The following ITGB3BP variants were observed in gnomAD, a reference collection of about 807,000 sequenced individuals.
The protein encoded by ITGB3BP is integrin subunit beta 3 binding protein, also known as centromere protein R.
ITGB3BP carries 27 observed loss-of-function variants against 29.1 expected under a neutral mutation model. That is an observed-to-expected ratio of 0.93 (90% CI 0.68 to 1.28). ITGB3BP has a LOEUF of 1.28. Among genes scored for constraint, ITGB3BP ranks in the 50% most tolerant of loss-of-function variants. The pLI, the probability that ITGB3BP is intolerant of heterozygous loss-of-function variation, is 0.00. For synonymous variants in ITGB3BP, 61 were observed against 61.4 expected (o/e 0.99, Z 0.03); for missense variants, 192 against 200.2 (o/e 0.96, Z 0.25).
intron 4 of ITGB3BP, among the ~76,000 whole-genome samples, chr1:63,474,257 G>A (rs1449387129): frequency 0.014 from 1,770 of 128,580 alleles, no homozygotes; most frequent in African/African-American, 0.048. Context: ...CAGCCGCCCC[G>A]TCCGGGAGGG....
intron 2 of ITGB3BP, among the ~76,000 whole-genome samples, chr1:63,497,210 T>C (rs936117115): frequency 4.6e-5 from 7 of 152,114 alleles, no homozygotes; most frequent in African/African-American, 1.4e-4. Context: ...GAGGTTGAGT[T>C]GGGAGGATCA....
chr1:63,524,672 T>G (rs566029626), upstream of ITGB3BP, among the ~76,000 whole-genome samples: 41 of 152,182 alleles, frequency 2.7e-4, no homozygotes, highest in Non-Finnish European at 4.7e-4. Context: ...TAGAATCTAA[T>G]ACCCCATAGT....
chr1:63,466,118 T>C (rs1395037602), intron 4 of ITGB3BP, among the ~76,000 whole-genome samples: 8 of 152,230 alleles, frequency 5.3e-5, no homozygotes, highest in Admixed American at 3.3e-4. Context: ...TTTTAATATG[T>C]ATCTACTATC....
upstream of ITGB3BP, among the ~76,000 whole-genome samples, chr1:63,523,854 G>T (rs1348773646): frequency 2.0e-5 from 3 of 152,170 alleles, no homozygotes; most frequent in Non-Finnish European, 4.4e-5. Context: ...TGTAGGGACG[G>T]TGACTGGACG....
chr1:63,481,180 T>G (rs1422615576), intron 3 of ITGB3BP, among the ~76,000 whole-genome samples: 1 of 152,162 alleles, frequency 6.6e-6, no homozygotes, highest in Non-Finnish European at 1.5e-5. Context: ...TCACTAGGTA[T>G]TCAATGCCTT....
At chr1:63,461,134 G>T (rs367864897) in intron 4 of ITGB3BP, among the ~76,000 whole-genome samples, 2 of 149,274 alleles carry the variant, frequency 1.3e-5, no homozygotes, top group Admixed American at 6.7e-5. Flanking sequence ...GGTGCCTGTA[G>T]TCCCAGCTAT....
chr1:63,506,307 G>A (rs1646078894), intron 2 of ITGB3BP, among the ~76,000 whole-genome samples: 1 of 152,116 alleles, frequency 6.6e-6, no homozygotes, highest in African/African-American at 2.4e-5. Context: ...TTGGTTTAAA[G>A]TCTGTTTTAT....
intron 4 of ITGB3BP, among the ~76,000 whole-genome samples, chr1:63,466,307 T>C (rs180987904): frequency 6.6e-6 from 1 of 152,318 alleles, no homozygotes; most frequent in Non-Finnish European, 1.5e-5. Context: ...TTTGGAAACT[T>C]CTCTCAGAAA....
intron 1 of ITGB3BP, among the ~76,000 whole-genome samples, chr1:63,509,050 T>TGC (rs1646142367): frequency 2.6e-5 from 4 of 152,198 alleles, no homozygotes; most frequent in Non-Finnish European, 5.9e-5. Flanking sequence ...ATTCTAGCTT[T>TGC]AAACATGATT....
In ITGB3BP at chr1:63,454,570, AAAACTT is replaced by A. The variant is rs1291368224; in HGVS notation, c.334-103_334-98del. On this transcript the variant is annotated intron_variant, in intron 5 of 8. Transcript: ENST00000271002. This position sits in a 1 kb window ranked among gnomAD's most constrained non-coding sequence, Gnocchi z 4.1. ...ACAGTATATTGTTTCCTTCATTTGA[AAAACTT>A]AAACTTTATGTTAGGATATTTAACT... The A allele has an allele frequency of 1.7e-6, 1 of 586,058 alleles. No individual in the cohort carries two copies. Among genetic ancestry groups the A allele is most frequent in the African/African-American group, 1.9e-5 (1 of 51,524 alleles). 36.3% of individuals were successfully genotyped at this position (586,058 alleles called of 1,614,324 possible). A position where few individuals can be genotyped will look rare whatever the true frequency, so the allele number is the denominator to read the frequency against.
intron 2 of ITGB3BP, among the ~76,000 whole-genome samples, chr1:63,501,383 C>T (rs1388009909): frequency 1.3e-5 from 2 of 151,410 alleles, no homozygotes; most frequent in Non-Finnish European, 3.0e-5. Flanking sequence ...AATTATGAGA[C>T]TCCATTTATA....
chr1:63,447,688 G>A, intron 7 of ITGB3BP: 1 of 457,950 alleles, frequency 2.2e-6, no homozygotes, highest in Admixed American at 2.3e-5. Flanking sequence ...AACAGGTGCT[G>A]GAGAGGATGT....
chr1:63,522,372 G>T (rs1340451307), intron 1 of ITGB3BP, among the ~76,000 whole-genome samples: 1 of 152,112 alleles, frequency 6.6e-6, no homozygotes, highest in African/African-American at 2.4e-5. Flanking sequence ...ACTAGAGGGG[G>T]TACCTAAATC....
upstream of ITGB3BP, chr1:63,527,963 C>G (rs1003187897): frequency 6.6e-6 from 1 of 152,172 alleles, no homozygotes; most frequent in Non-Finnish European, 1.5e-5. Context: ...AAAGGGAACC[C>G]TCTTACACTG....
chr1:63,493,417 AAAACAAACAAACAAACAAACAAAC>A (rs60111018), intron 2 of ITGB3BP, among the ~76,000 whole-genome samples: 1 of 145,474 alleles, frequency 6.9e-6, no homozygotes, highest in Non-Finnish European at 1.5e-5. Context: ...TCTGTCTCAA[AAAACAAACAAACAAACAAACAAAC>A]AAACAAACAA....
At chr1:63,473,346 C>T (rs796176498) in intron 4 of ITGB3BP, among the ~76,000 whole-genome samples, 4 of 130,422 alleles carry the variant, frequency 3.1e-5, no homozygotes, top group East Asian at 2.4e-4. Flanking sequence ...AGGGAGGTGG[C>T]GGGGGGTCAG....
chr1:63,446,703 GA>G (rs1467051222), intron 8 of ITGB3BP, 102 bp downstream of exon 8: 1 of 826,216 alleles, frequency 1.2e-6, no homozygotes, highest in African/African-American at 1.7e-5. Context: ...TTTCTTACAG[GA>G]AGACAATACC....
chr1:63,471,737 A>C (rs1645201035), intron 4 of ITGB3BP, among the ~76,000 whole-genome samples: 2 of 152,198 alleles, frequency 1.3e-5, no homozygotes, highest in Admixed American at 1.3e-4. Context: ...GTATCTGTTA[A>C]AACTTCTTAC....
chr1:63,449,554 C>T (rs1254250377), intron 7 of ITGB3BP: 3 of 152,176 alleles, frequency 2.0e-5, no homozygotes, highest in South Asian at 4.1e-4. Context: ...AAAACAATGA[C>T]GAATCGTGTA....
Sources: gnomAD v4.1 joint callset for allele counts (sites outside exome capture counted in the v4.1 genomes callset) on GRCh38, gnomAD v4.1.1 for gene constraint, Gnocchi (gnomAD v3.1) non-coding constraint, MANE v1.5 for transcripts, NCBI Gene and HGNC (gene_info 2026-07-23, HGNC 2026-07-21) for gene names.